Variants in CDH4 observed in about 807,000 individuals in gnomAD.
The protein encoded by CDH4 is cadherin 4.
Under a neutral mutation model 86.0 loss-of-function variants are expected in CDH4, and 33 were observed. That is an observed-to-expected ratio of 0.38 (90% confidence interval 0.29 to 0.51). CDH4 has a LOEUF of 0.51. Among genes scored for constraint, CDH4 ranks in the 20% least tolerant of loss-of-function variants. CDH4 has a pLI of 0.86. For missense variants in CDH4, 1,114 were observed against 1,307.4 expected, an observed-to-expected ratio of 0.85 and a Z score of 2.28; for synonymous variants, 555 against 549.4, an observed-to-expected ratio of 1.01 and a Z score of -0.14.
At chr20:61,876,246 G>A (rs899234607) in intron 7 of CDH4, among the ~76,000 whole-genome samples, 12 of 152,356 alleles carry the variant, frequency 7.9e-5, no homozygotes, top group South Asian at 4.1e-4. Flanking sequence ...CCCCACCTGC[G>A]TGCCATCAGC....
At chr20:61,888,421 C>G (rs1984645068) in intron 7 of CDH4, among the ~76,000 whole-genome samples, 1 of 152,220 alleles carries the variant, frequency 6.6e-6, no homozygotes, top group African/African-American at 2.4e-5. Context: ...GAGAACACAG[C>G]CAGGGTGGGG....
intron 2 of CDH4, among the ~76,000 whole-genome samples, chr20:61,741,453 G>A (rs2088332927): frequency 6.6e-6 from 1 of 152,028 alleles, no homozygotes; most frequent in African/African-American, 2.4e-5. Flanking sequence ...TCTCAAAGCA[G>A]CTTCAATGCT....
intron 7 of CDH4, among the ~76,000 whole-genome samples, chr20:61,887,130 C>T (rs537872041): frequency 6.9e-6 from 1 of 144,972 alleles, no homozygotes; most frequent in South Asian, 2.5e-4. Flanking sequence ...CAGAGAACAT[C>T]CCAGAAAAGG....
chr20:61,425,204 G>C (rs2085205207), intron 2 of CDH4, among the ~76,000 whole-genome samples: 1 of 152,160 alleles, frequency 6.6e-6, no homozygotes, highest in Admixed American at 6.5e-5. Context: ...GGTCCAGCCC[G>C]GCCCAGAGGC....
chr20:61,935,592 T>TATTA (rs1475358925), intron 15 of CDH4, among the ~76,000 whole-genome samples: 7 of 151,140 alleles, frequency 4.6e-5, no homozygotes, highest in Admixed American at 2.6e-4. Flanking sequence ...ACCCCGTCTC[T>TATTA]ATTAAAAATA....
chr20:61,884,897 C>T (rs1027864697), intron 7 of CDH4, among the ~76,000 whole-genome samples: 1 of 152,214 alleles, frequency 6.6e-6, no homozygotes. Context: ...GTTGGGACAC[C>T]GGCTGGAGCC....
intron 5 of CDH4, among the ~76,000 whole-genome samples, 180 bp downstream of exon 5, chr20:61,845,003 C>G (rs913462339): frequency 1.3e-5 from 2 of 152,256 alleles, no homozygotes; most frequent in African/African-American, 4.8e-5. Flanking sequence ...GGCACTGTCC[C>G]CCGTCTAATT....
intron 4 of CDH4, among the ~76,000 whole-genome samples, chr20:61,793,038 C>G (rs1979295190): frequency 6.6e-6 from 1 of 152,010 alleles, no homozygotes; most frequent in Non-Finnish European, 1.5e-5. Context: ...TCTTGGCTTA[C>G]TGCAACCTCT....
intron 2 of CDH4, among the ~76,000 whole-genome samples, chr20:61,320,800 C>G (rs1314797155): frequency 1.3e-5 from 2 of 151,696 alleles, no homozygotes; most frequent in Non-Finnish European, 1.5e-5. Flanking sequence ...AAGGGAGCAG[C>G]GTGCGCAGAG....
chr20:61,767,228 C>A (rs2088710485), intron 3 of CDH4, among the ~76,000 whole-genome samples: 1 of 152,186 alleles, frequency 6.6e-6, no homozygotes, highest in Admixed American at 6.5e-5. Flanking sequence ...TTTGCTTTGT[C>A]GTCTCCTGGC....
chr20:61,284,258 G>A (rs991874985), intron 2 of CDH4, among the ~76,000 whole-genome samples: 7 of 151,988 alleles, frequency 4.6e-5, no homozygotes, highest in Admixed American at 3.9e-4. Context: ...AGCTTGCAGT[G>A]AGCTGAGATT....
At chr20:61,616,920 A>G (rs1023691347) in intron 2 of CDH4, among the ~76,000 whole-genome samples, 1 of 151,806 alleles carries the variant, frequency 6.6e-6, no homozygotes, top group Non-Finnish European at 1.5e-5. Flanking sequence ...CAGTGGGTCC[A>G]TGGGGGGCTG....
chr20:61,525,434 C>T (rs1381631036), intron 2 of CDH4, among the ~76,000 whole-genome samples: 1 of 152,194 alleles, frequency 6.6e-6, no homozygotes, highest in Non-Finnish European at 1.5e-5. Context: ...CTCCTGCAGG[C>T]CCCTCCCAGG....
chr20:61,918,050 C>A (rs1041749475), intron 9 of CDH4, among the ~76,000 whole-genome samples: 1 of 152,268 alleles, frequency 6.6e-6, no homozygotes, highest in Non-Finnish European at 1.5e-5. Context: ...ACATGAGTGG[C>A]CCCGTCCCAG....
chr20:61,721,053 G>A (rs529141206), intron 2 of CDH4, among the ~76,000 whole-genome samples: 53 of 152,288 alleles, frequency 3.5e-4, no homozygotes, highest in South Asian at 1.2e-3. Context: ...AGCTCCTCCC[G>A]AGGTAGCTTG....
At chr20:61,498,996 C>T (rs1600713714) in intron 2 of CDH4, among the ~76,000 whole-genome samples, 1 of 152,258 alleles carries the variant, frequency 6.6e-6, no homozygotes, top group Middle Eastern at 3.4e-3. Flanking sequence ...GTGTCCTGAG[C>T]CTTGAGTAGG....
At chr20:61,546,113 T>C (rs1319682749) in intron 2 of CDH4, among the ~76,000 whole-genome samples, 65 of 130,904 alleles carry the variant, frequency 5.0e-4, no homozygotes, top group Middle Eastern at 5.4e-3. Flanking sequence ...TGTGTGTGCA[T>C]GTGTGTGGGG....
intron 2 of CDH4, among the ~76,000 whole-genome samples, chr20:61,503,587 A>G (rs192262313): frequency 9.8e-5 from 15 of 152,322 alleles, no homozygotes; most frequent in Admixed American, 9.1e-4. Context: ...GATGTAGGTC[A>G]TATGTTAGAG....
intron 2 of CDH4, among the ~76,000 whole-genome samples, chr20:61,451,130 C>A (rs535326447): frequency 7.3e-4 from 29 of 39,904 alleles, no homozygotes; most frequent in Admixed American, 2.6e-3. Flanking sequence ...ACGCCCCCCC[C>A]CTTCCCTCCG....
Sources: gnomAD v4.1 joint callset for allele counts (sites outside exome capture counted in the v4.1 genomes callset) on GRCh38, gnomAD v4.1.1 for gene constraint, MANE v1.5 for transcripts, NCBI Gene and HGNC (gene_info 2026-07-23, HGNC 2026-07-21) for gene names.